SYNE1: variants seen among roughly 807,000 people sequenced by gnomAD.
SYNE1 encodes nesprin-1.
SYNE1 carries 616 observed loss-of-function variants against 1,111.0 expected under a neutral mutation model. The ratio of observed to expected loss-of-function variants is 0.55; its 90% confidence interval spans 0.52 to 0.59. SYNE1 has a LOEUF of 0.59. Among genes scored for constraint, SYNE1 ranks in the 20% least tolerant of loss-of-function variants. The probability of loss-of-function intolerance (pLI) is 0.00; values close to 1 mark genes in which losing one functional copy is unlikely to be tolerated. For missense variants in SYNE1, 10,006 were observed against 10,417.0 expected (o/e 0.96, Z 1.72); for synonymous variants, 3,855 against 3,825.8 (o/e 1.01, Z -0.28).
intron 11 of SYNE1, among the ~76,000 whole-genome samples, chr6:152,495,752 T>C (rs113281213): frequency 6.6e-6 from 1 of 152,162 alleles, no homozygotes; most frequent in Non-Finnish European, 1.5e-5. Flanking sequence ...GCCTGTGCGG[T>C]CTAACCCTAG....
intron 3 of SYNE1, among the ~76,000 whole-genome samples, chr6:152,610,364 G>T (rs2099627887): frequency 6.6e-6 from 1 of 152,134 alleles, no homozygotes; most frequent in Non-Finnish European, 1.5e-5. Context: ...AGCTTCAATA[G>T]CCGATTCGAT....
chr6:152,367,470 G>C, intron 61 of SYNE1, 88 bp from the exon 62 acceptor site: 5 of 1,498,058 alleles, frequency 3.3e-6, no homozygotes, highest in Non-Finnish European at 4.6e-6. Flanking sequence ...AAGGCAATCA[G>C]TCATGGCTTC....
intron 111 of SYNE1, among the ~76,000 whole-genome samples, chr6:152,234,270 T>C (rs529806706): frequency 6.7e-6 from 1 of 150,098 alleles, no homozygotes; most frequent in South Asian, 2.1e-4. Flanking sequence ...GTATATCCAC[T>C]GATGGTTGAC....
intron 3 of SYNE1, among the ~76,000 whole-genome samples, chr6:152,586,342 A>G (rs1451664298): frequency 6.6e-6 from 1 of 152,156 alleles, no homozygotes; most frequent in Non-Finnish European, 1.5e-5. Context: ...CTTTCAATTT[A>G]GTCCAAGTCC....
In SYNE1 at chr6:152,331,504, A is replaced by G; in HGVS notation, c.13181T>C (p.Leu4394Pro). Reference sequence around the variant, plus strand: ...TTTCAGGAGCATCTGCTTGGCCTCCAGTTCACTGCAGATGGCCAGGTGATC... The same window carrying G: ...TTTCAGGAGCATCTGCTTGGCCTCCGGTTCACTGCAGATGGCCAGGTGATC... ...LMDHLAICSE[L>P]EAKQMLLKSL... is the part of the protein sequence containing the mutation. Residue 4394 changes from leucine to proline, a missense_variant, in exon 78 of 146, where the codon CTG (leucine) becomes CCG (proline). Physicochemically the swap from Leu to Pro is moderately conservative, Grantham distance 98 (BLOSUM62 -3). Around this residue, in one of 7 missense-constraint regions of SYNE1, gnomAD observed 4,955 missense variants for 5,017.2 expected, o/e 0.99. Transcript: ENST00000367255. The G allele has an allele frequency of 6.2e-7, 1 of 1,614,124 alleles. No homozygotes were observed. Among genetic ancestry groups the G allele is most frequent in the Admixed American group, 1.7e-5 (1 of 60,018 alleles).
At chr6:152,418,546 T>C (rs150286100) in intron 40 of SYNE1, among the ~76,000 whole-genome samples, 19 of 152,332 alleles carry the variant, frequency 1.2e-4, no homozygotes, top group Middle Eastern at 3.4e-3. Context: ...ATGATCAATA[T>C]CGGAATTTTT....
rs543253641 is a variant in SYNE1 at position 152,623,739 on chromosome 6, T to C, written c.67+4526A>G. On this transcript the variant is annotated intron_variant, in intron 3 of 145. Coordinates refer to ENST00000367255, the MANE Select transcript of SYNE1 (RefSeq NM_182961.4). ...AGACACTTTGCAAAAGAAGAAGATA[T>C]ACATGCGGCCAACAATAATTAGTAT... Among the ~76,000 whole-genome samples, 4 of 152,136 alleles carry C rather than the reference T, an allele frequency of 2.6e-5. No individual in the cohort carries two copies. The East Asian group carries it at 5.8e-4, about 22-fold the overall frequency.
intron 29 of SYNE1, among the ~76,000 whole-genome samples, chr6:152,447,224 A>T (rs1465451505): frequency 1.3e-5 from 2 of 152,210 alleles, no homozygotes; most frequent in African/African-American, 4.8e-5. Context: ...CAAGTTTTAT[A>T]TTTCAGATAT....
intron 3 of SYNE1, among the ~76,000 whole-genome samples, chr6:152,575,289 G>A (rs926275836): frequency 1.5e-4 from 23 of 152,184 alleles, no homozygotes; most frequent in African/African-American, 5.5e-4. Flanking sequence ...GGTCTGGGCT[G>A]AATTACATGC....
intron 3 of SYNE1, among the ~76,000 whole-genome samples, chr6:152,588,528 G>A: frequency 6.6e-6 from 1 of 152,112 alleles, no homozygotes; most frequent in East Asian, 1.9e-4. Flanking sequence ...TAGGTTCTAG[G>A]ACAAGCAATG....
intron 104 of SYNE1, among the ~76,000 whole-genome samples, chr6:152,251,126 T>C (rs1274950953): frequency 6.6e-6 from 1 of 152,048 alleles, no homozygotes; most frequent in Non-Finnish European, 1.5e-5. Flanking sequence ...ATTTTTTGTA[T>C]TTTTAGTAGA....
At chr6:152,588,291 A>G (rs1160524321) in intron 3 of SYNE1, among the ~76,000 whole-genome samples, 1 of 152,254 alleles carries the variant, frequency 6.6e-6, no homozygotes, top group African/African-American at 2.4e-5. Context: ...TGTACTGGGC[A>G]TTAAGGATAA....
At chr6:152,203,225 T>TCAGACACAC (rs1488347270) in intron 126 of SYNE1, among the ~76,000 whole-genome samples, 3 of 152,190 alleles carry the variant, frequency 2.0e-5, no homozygotes, top group Admixed American at 2.0e-4. Context: ...TTTTTAAAAA[T>TCAGACACAC]CAGACACACG....
rs1347934239 is a variant in SYNE1 at position 152,471,596 on chromosome 6, C to A, written c.1632+1G>T. 5.6e-6 allele frequency: 9 copies of A among 1,613,686 alleles called. No homozygotes were observed. Among genetic ancestry groups the A allele is most frequent in the Non-Finnish European group, 7.6e-6 (9 of 1,179,764 alleles). On this transcript the variant is annotated splice_donor_variant, in intron 16 of 145. Coordinates refer to ENST00000367255, the MANE Select transcript of SYNE1 (RefSeq NM_182961.4). LOFTEE classifies it high-confidence loss of function. ...TCTCTGTCAAAGCACGGGGGACTCACCACGTAGTTTTGTAGAAGCTGCTCC... is the reference window on the plus strand; with the variant it reads ...TCTCTGTCAAAGCACGGGGGACTCAACACGTAGTTTTGTAGAAGCTGCTCC...
chr6:152,491,685 C>T (rs910770240), intron 11 of SYNE1, among the ~76,000 whole-genome samples: 36 of 152,146 alleles, frequency 2.4e-4, no homozygotes, highest in Non-Finnish European at 2.9e-5. Context: ...TGCCTGACAT[C>T]CAGGCATTCT....
chr6:152,557,675 T>TG (rs1236810130), intron 3 of SYNE1, among the ~76,000 whole-genome samples: 2 of 151,988 alleles, frequency 1.3e-5, no homozygotes, highest in African/African-American at 4.8e-5. Flanking sequence ...AAAGTGCTGG[T>TG]GGGGGAAAAA....
intron 94 of SYNE1, 96 bp from the exon 95 acceptor site, chr6:152,293,845 C>A (rs1198615066): frequency 6.2e-7 from 1 of 1,607,582 alleles, no homozygotes; most frequent in African/African-American, 1.3e-5. Flanking sequence ...TGTGGCCCAA[C>A]ATAGGGTACT....
intron 3 of SYNE1, among the ~76,000 whole-genome samples, chr6:152,605,076 AGAAGGAAG>A (rs376634946): frequency 0.12 from 3,754 of 32,456 alleles, 363 homozygotes; most frequent in East Asian, 0.21. Context: ...GAGGGAGGAA[AGAAGGAAG>A]GAAGGAAGGA....
intron 127 of SYNE1, among the ~76,000 whole-genome samples, chr6:152,190,839 T>C (rs2813528): frequency 1.3e-5 from 2 of 152,002 alleles, no homozygotes; most frequent in African/African-American, 2.4e-5. Flanking sequence ...AAAGTGGACA[T>C]CCTTGTTGTG....
Sources: gnomAD v4.1 joint callset for allele counts (sites outside exome capture counted in the v4.1 genomes callset) on GRCh38, gnomAD v4.1.1 for gene constraint, gnomAD v4.1.1 regional missense constraint, MANE v1.5 for transcripts, NCBI Gene and HGNC (gene_info 2026-07-23, HGNC 2026-07-21) for gene names.